The following FOCAD variants were observed in gnomAD, a reference collection of about 807,000 sequenced individuals.
The protein encoded by FOCAD is KIAA1797.
In FOCAD, 198 loss-of-function variants were observed where a neutral mutation model predicts 225.6. The ratio of observed to expected loss-of-function variants is 0.88; its 90% CI spans 0.78 to 0.99. FOCAD has a LOEUF of 0.99. Ranked by LOEUF, FOCAD falls within the 50% of genes least tolerant of loss-of-function variation. The pLI is 0.00. For synonymous variants in FOCAD, 897 were observed against 755.0 expected, an observed-to-expected ratio of 1.19 and a Z score of -3.08; for missense variants, 2,713 against 2,123.6, an observed-to-expected ratio of 1.28 and a Z score of -5.46.
At chr9:20,947,010 G>A (rs1451404596) in intron 30 of FOCAD, among the ~76,000 whole-genome samples, 190 bp downstream of exon 30, 1 of 152,014 alleles carries the variant, frequency 6.6e-6, no homozygotes, top group Non-Finnish European at 1.5e-5. Flanking sequence ...CTTATCCCCT[G>A]TCTCATTCTG....
chr9:20,657,029 G>A (rs867032378), upstream of FOCAD, among the ~76,000 whole-genome samples: 2,880 of 151,876 alleles, frequency 0.019, 43 homozygotes, highest in Admixed American at 0.028. Context: ...TTTCTCCTTC[G>A]CTTATGAAGC....
intron 28 of FOCAD, among the ~76,000 whole-genome samples, chr9:20,944,015 C>A (rs985407312): frequency 1.3e-5 from 2 of 152,224 alleles, no homozygotes; most frequent in Non-Finnish European, 2.9e-5. Context: ...TCCATTTTCT[C>A]TTCTGACCCA....
intron 35 of FOCAD, among the ~76,000 whole-genome samples, chr9:20,967,402 C>G (rs1160166291): frequency 6.6e-6 from 1 of 152,012 alleles, no homozygotes; most frequent in Non-Finnish European, 1.5e-5. Flanking sequence ...TTTATTAACT[C>G]TATTAGTTTT....
intron 14 of FOCAD, among the ~76,000 whole-genome samples, chr9:20,821,676 TC>T (rs1824339404): frequency 6.6e-6 from 1 of 152,048 alleles, no homozygotes; most frequent in Admixed American, 6.6e-5. Context: ...AATTTTTTTT[TC>T]TTGCATGTGG....
At chr9:20,944,567 T>G in intron 28 of FOCAD, 60 bp from the exon 29 acceptor site, 1 of 1,566,518 alleles carries the variant, frequency 6.4e-7, no homozygotes. Context: ...CCGTGGTAAG[T>G]GAAGAGCAAT....
intron 15 of FOCAD, among the ~76,000 whole-genome samples, chr9:20,835,126 A>G (rs1317923251): frequency 1.3e-5 from 2 of 152,102 alleles, no homozygotes; most frequent in African/African-American, 4.8e-5. Flanking sequence ...GAATTTATCA[A>G]ACTGTACAAT....
chr9:20,806,776 A>G (rs905296786), intron 11 of FOCAD, among the ~76,000 whole-genome samples: 3 of 152,156 alleles, frequency 2.0e-5, no homozygotes, highest in Non-Finnish European at 2.9e-5. Flanking sequence ...AGATGGTATG[A>G]TTATAGTGGA....
At chr9:20,945,668 A>T (rs1837099598) in intron 29 of FOCAD, among the ~76,000 whole-genome samples, 1 of 152,204 alleles carries the variant, frequency 6.6e-6, no homozygotes, top group Non-Finnish European at 1.5e-5. Flanking sequence ...CAAAAGAGTA[A>T]ATCTTGCAAC....
upstream of FOCAD, among the ~76,000 whole-genome samples, chr9:20,681,817 T>C (rs1462460465): frequency 6.6e-6 from 1 of 152,230 alleles, no homozygotes; most frequent in African/African-American, 2.4e-5. Context: ...GGTGAGCCCA[T>C]GGACTTCCAG....
At chr9:20,723,438 A>T (rs545660682) in intron 4 of FOCAD, among the ~76,000 whole-genome samples, 2 of 152,224 alleles carry the variant, frequency 1.3e-5, no homozygotes, top group African/African-American at 2.4e-5. Flanking sequence ...CAGCGAGCTG[A>T]AGCTGAAATT....
intron 24 of FOCAD, among the ~76,000 whole-genome samples, chr9:20,920,820 G>A (rs923586546): frequency 2.7e-5 from 4 of 150,802 alleles, no homozygotes; most frequent in Non-Finnish European, 4.4e-5. Context: ...TTGTGGGGTG[G>A]GGGGAGTGGG....
At chr9:20,943,636 G>C (rs920882086) in intron 28 of FOCAD, among the ~76,000 whole-genome samples, 1 of 152,060 alleles carries the variant, frequency 6.6e-6, no homozygotes, top group African/African-American at 2.4e-5. Flanking sequence ...ACTGACCAAG[G>C]GGGTAGATGC....
chr9:20,862,769 T>A, intron 16 of FOCAD, 57 bp downstream of exon 16: 1 of 1,556,542 alleles, frequency 6.4e-7, no homozygotes, highest in Non-Finnish European at 8.7e-7. Flanking sequence ...ATGTGTGTTA[T>A]AATAACTTTT....
intron 15 of FOCAD, among the ~76,000 whole-genome samples, chr9:20,860,771 A>G (rs1828703670): frequency 6.6e-6 from 1 of 152,192 alleles, no homozygotes; most frequent in Non-Finnish European, 1.5e-5. Context: ...TCGGCCTCCC[A>G]AAGTGCTGGG....
At chr9:20,945,857 T>C (rs933680140) in intron 29 of FOCAD, among the ~76,000 whole-genome samples, 1 of 152,182 alleles carries the variant, frequency 6.6e-6, no homozygotes, top group East Asian at 1.9e-4. Flanking sequence ...GTGCTAGAAG[T>C]TGAATTTTCT....
chr9:20,788,032 T>C (rs1290314387), intron 10 of FOCAD, among the ~76,000 whole-genome samples: 2 of 152,228 alleles, frequency 1.3e-5, no homozygotes, highest in Non-Finnish European at 2.9e-5. Flanking sequence ...GTTCATAGCA[T>C]CATTATTCAT....
chr9:20,944,630 G>T lies in FOCAD; in HGVS notation c.3411G>T (p.Thr1137=). The change falls in exon 29 of 44, where the codon ACG becomes ACT. Residue 1137 remains threonine (T), a synonymous_variant. Coordinates refer to ENST00000338382, the MANE Select transcript of FOCAD (RefSeq NM_001375567.1). ...CCFDTSLEYN[T]GCILGVGLVL... is the part of the protein sequence containing the mutation. ...CTTATCTTTTTTGGCTTCCAAGCACGGGCTGTATATTGGGAGTTGGACTTG... is the reference window on the plus strand; with the variant it reads ...CTTATCTTTTTTGGCTTCCAAGCACTGGCTGTATATTGGGAGTTGGACTTG... The T allele has an allele frequency of 6.2e-7, 1 of 1,611,166 alleles. No homozygotes were observed. Among genetic ancestry groups the T allele is most frequent in the South Asian group, 1.1e-5 (1 of 90,554 alleles).
intron 18 of FOCAD, among the ~76,000 whole-genome samples, chr9:20,872,167 T>C (rs986075988): frequency 6.6e-6 from 1 of 152,160 alleles, no homozygotes; most frequent in African/African-American, 2.4e-5. Flanking sequence ...TGCTATTCAC[T>C]GCATAGAAGA....
intron 39 of FOCAD, among the ~76,000 whole-genome samples, chr9:20,983,074 T>G (rs1840842935): frequency 6.6e-6 from 1 of 152,216 alleles, no homozygotes; most frequent in Non-Finnish European, 1.5e-5. Context: ...TCCTTGAATT[T>G]CTGCATCATA....
Sources: allele counts gnomAD v4.1 joint callset (sites outside exome capture counted in the v4.1 genomes callset), GRCh38; gene constraint gnomAD v4.1.1; transcripts MANE v1.5; gene names NCBI Gene and HGNC (gene_info 2026-07-23, HGNC 2026-07-21).